RAB11FIP2: variants seen among roughly 807,000 people sequenced by gnomAD.
RAB11FIP2 encodes RAB11 family interacting protein 2.
A neutral mutation model predicts 40.9 loss-of-function variants in RAB11FIP2; 16 were observed. That is an observed-to-expected ratio of 0.39 (90% CI 0.26 to 0.59). The LOEUF (loss-of-function observed/expected upper bound fraction) is 0.59. Ranked by LOEUF, RAB11FIP2 falls within the 20% of genes least tolerant of loss-of-function variation. The pLI is 0.53. For missense variants in RAB11FIP2, 532 were observed against 606.2 expected (o/e 0.88, Z 1.28); for synonymous variants, 228 against 213.7 (o/e 1.07, Z -0.58).
intron 3 of RAB11FIP2, among the ~76,000 whole-genome samples, chr10:118,025,250 C>T (rs1229935519): frequency 6.6e-6 from 1 of 152,154 alleles, no homozygotes; most frequent in African/African-American, 2.4e-5. Context: ...GTACATTATC[C>T]TATCCAACTT....
intron 3 of RAB11FIP2, among the ~76,000 whole-genome samples, chr10:118,029,151 A>T (rs1846382146): frequency 6.6e-6 from 1 of 152,100 alleles, no homozygotes; most frequent in African/African-American, 2.4e-5. Flanking sequence ...CATTTCATTA[A>T]ACTTAAGACA....
At position 118,046,321 on chromosome 10, in the gene RAB11FIP2, G is replaced by A; in HGVS notation, c.-158C>T. 1.5e-6 allele frequency: 1 copy of A among 668,570 alleles called. No individual in the cohort carries two copies. Among genetic ancestry groups the A allele is most frequent in the Non-Finnish European group, 2.5e-6 (1 of 395,716 alleles). 41.4% of individuals were successfully genotyped at this position (668,570 alleles called of 1,614,324 possible). ...CCTATGGCTGATGTCAAAACGCCTC[G>A]CGGGGGCAGCCCAGGGGCACGGCCG... On this transcript the variant is annotated 5_prime_UTR_variant, in exon 1 of 5. Transcript: ENST00000355624.
intron 2 of RAB11FIP2, 164 bp from the exon 3 acceptor site, chr10:118,039,604 G>T: frequency 1.6e-6 from 1 of 631,828 alleles, no homozygotes; most frequent in Non-Finnish European, 2.7e-6. Context: ...CTAAGGTGTA[G>T]CAGTCTGAAG....
In RAB11FIP2 at chr10:118,006,089, T is replaced by A. The variant is rs2078953832; in HGVS notation, c.*2909A>T. On this transcript the variant is annotated 3_prime_UTR_variant, in exon 5 of 5. Coordinates refer to ENST00000355624, the MANE Select transcript of RAB11FIP2 (RefSeq NM_014904.3). Reference sequence around the variant, plus strand: ...CAGCAAAAAGCAATACTTAAAAACGTTTTTCATGAATGGGTTACATGTTGT... The same window carrying A: ...CAGCAAAAAGCAATACTTAAAAACGATTTTCATGAATGGGTTACATGTTGT... 1.3e-5 allele frequency: 2 copies of A among 152,538 alleles called. No homozygotes were observed. Among genetic ancestry groups the A allele is most frequent in the Admixed American group, 1.3e-4 (2 of 15,274 alleles). The allele number at this position is 152,538 out of a possible 1,614,324, so 9.4% of individuals were successfully genotyped here.
intron 3 of RAB11FIP2, among the ~76,000 whole-genome samples, chr10:118,034,368 AG>A (rs1846455993): frequency 2.0e-5 from 3 of 151,724 alleles, no homozygotes; most frequent in Non-Finnish European, 4.4e-5. Context: ...AAAAAAAAAA[AG>A]AAATGAAATG....
chr10:118,026,518 TG>T (rs1174914015), intron 3 of RAB11FIP2, among the ~76,000 whole-genome samples: 2 of 152,204 alleles, frequency 1.3e-5, no homozygotes, highest in East Asian at 3.8e-4. Flanking sequence ...CCAGTGCCTG[TG>T]TGAATTTCCT....
rs187920174 is a variant in RAB11FIP2, at chr10:118,005,140, C to T, written c.*3858G>A. The T allele has an allele frequency of 2.6e-5, 4 of 152,708 alleles. No individual in the cohort carries two copies. The highest frequency in any genetic ancestry group is 9.6e-5 in the African/African-American group (4 of 41,542). The allele number at this position is 152,708 out of a possible 1,614,324, so 9.5% of individuals were successfully genotyped here. ...AAATAATGCTTCTATCTTTCAAATA[C>T]CCGCTAAATATATGCATTTCTAGAT... On this transcript the variant is annotated 3_prime_UTR_variant, in exon 5 of 5. Coordinates refer to ENST00000355624, the MANE Select transcript of RAB11FIP2 (RefSeq NM_014904.3).
At position 118,026,992 on chromosome 10, in the gene RAB11FIP2, GTTTTT is replaced by G. The variant is rs373316208; in HGVS notation, c.1266-11887_1266-11883del. 5.3e-3 allele frequency among the ~76,000 whole-genome samples: 800 copies of G among 151,366 alleles called. 6 individuals are homozygous for G. The highest frequency in any genetic ancestry group is 0.019 in the African/African-American group (771 of 41,284). Reference sequence around the variant, plus strand: ...GCTTCTAAATTCTACTTTTATTTAAGTTTTTTTTTAAGTTGAGAAGATATTATTAC... The same window carrying G: ...GCTTCTAAATTCTACTTTTATTTAAGTTTTAAGTTGAGAAGATATTATTAC... On this transcript the variant is annotated intron_variant, in intron 3 of 4. Transcript: ENST00000355624.
rs1846639289 is a variant in RAB11FIP2, at chr10:118,046,418, G to C, written c.-255C>G. On this transcript the variant is annotated 5_prime_UTR_variant, in exon 1 of 5. Transcript: ENST00000355624. The stretch of plus-strand genomic sequence containing the variant: ...ACCTGGCCGCGCCGTGCAGGCCTCT[G>C]CGCGGACCCCCGCCCCTGTCTCCAC... 2.1e-6 allele frequency: 1 copy of C among 468,674 alleles called. No individual in the cohort carries two copies. The highest frequency in any genetic ancestry group is 3.5e-5 in the East Asian group (1 of 28,892). 29.0% of individuals were successfully genotyped at this position (468,674 alleles called of 1,614,324 possible). A position where few individuals can be genotyped will look rare whatever the true frequency, so the allele number is the denominator to read the frequency against.
intron 1 of RAB11FIP2, among the ~76,000 whole-genome samples, chr10:118,042,503 A>G (rs1383629602): frequency 6.6e-6 from 1 of 152,182 alleles, no homozygotes; most frequent in East Asian, 1.9e-4. Context: ...TGAACCACAT[A>G]TGTTAATAAG....
At chr10:118,039,924 T>A (rs933116843) in intron 2 of RAB11FIP2, 199 bp downstream of exon 2, 1 of 527,402 alleles carries the variant, frequency 1.9e-6, no homozygotes, top group African/African-American at 1.9e-5. Context: ...TCTAATAATA[T>A]AAATACAAAT....
At chr10:118,029,571 A>G (rs1190703450) in intron 3 of RAB11FIP2, among the ~76,000 whole-genome samples, 1 of 152,180 alleles carries the variant, frequency 6.6e-6, no homozygotes, top group Non-Finnish European at 1.5e-5. Flanking sequence ...CAGGATTTAT[A>G]TCTCAACAAT....
intron 4 of RAB11FIP2, among the ~76,000 whole-genome samples, chr10:118,012,746 T>G (rs1201129185): frequency 1.3e-5 from 2 of 152,078 alleles, no homozygotes; most frequent in Non-Finnish European, 2.9e-5. Flanking sequence ...CAAATGCAAC[T>G]TACAATGGTT....
At position 118,046,273 on chromosome 10, in the gene RAB11FIP2, C is replaced by G. The variant is rs545290559; in HGVS notation, c.-110G>C. The G allele has an allele frequency of 4.0e-6, 4 of 990,080 alleles. No individual in the cohort carries two copies. Among genetic ancestry groups the G allele is most frequent in the African/African-American group, 1.6e-5 (1 of 61,874 alleles). 61.3% of individuals were successfully genotyped at this position (990,080 alleles called of 1,614,324 possible). Reference sequence around the variant, plus strand: ...CCTAAGGACACTTAACGGAAACAGGCAGGCTCAGGGCTCCCCGACTTCCCT... The same window carrying G: ...CCTAAGGACACTTAACGGAAACAGGGAGGCTCAGGGCTCCCCGACTTCCCT... On this transcript the variant is annotated 5_prime_UTR_variant, in exon 1 of 5. Coordinates refer to ENST00000355624, the MANE Select transcript of RAB11FIP2 (RefSeq NM_014904.3).
At position 118,008,511 on chromosome 10, in the gene RAB11FIP2, GAATA is replaced by G. The variant is rs763571719; in HGVS notation, c.*483_*486del. On this transcript the variant is annotated 3_prime_UTR_variant, in exon 5 of 5. Coordinates refer to ENST00000355624, the MANE Select transcript of RAB11FIP2 (RefSeq NM_014904.3). ...CCTATATTTTATATACAAGATACATGAATATATATATATTCATGTACATATGTGT... is the reference window on the plus strand; with the variant it reads ...CCTATATTTTATATACAAGATACATGTATATATATTCATGTACATATGTGT... The G allele has an allele frequency of 4.4e-5, 7 of 159,076 alleles. No individual in the cohort carries two copies. The highest frequency in any genetic ancestry group is 7.0e-5 in the Non-Finnish European group (5 of 71,350). 9.9% of individuals were successfully genotyped at this position (159,076 alleles called of 1,614,324 possible).
At chr10:118,032,572 A>G (rs894686509) in intron 3 of RAB11FIP2, among the ~76,000 whole-genome samples, 1 of 152,110 alleles carries the variant, frequency 6.6e-6, no homozygotes, top group Non-Finnish European at 1.5e-5. Context: ...CGCATTTGCC[A>G]GCACAATTCC....
chr10:118,011,795 T>A (rs1325214126), intron 4 of RAB11FIP2, among the ~76,000 whole-genome samples: 3 of 152,250 alleles, frequency 2.0e-5, no homozygotes, highest in African/African-American at 7.2e-5. Context: ...GAGAAATTCA[T>A]GTTCTTGTGA....
chr10:118,020,917 ATAAT>A (rs1282139503), intron 3 of RAB11FIP2, among the ~76,000 whole-genome samples: 7 of 152,222 alleles, frequency 4.6e-5, no homozygotes, highest in African/African-American at 1.7e-4. Flanking sequence ...CCAAAGAAAA[ATAAT>A]TACTCATATG....
Position 118,046,876 on chromosome 10 carries a change from A to G in RAB11FIP2, c.-713T>C, listed in dbSNP as rs1846654227. 6.5e-6 allele frequency: 1 copy of G among 152,732 alleles called. No individual in the cohort carries two copies. The highest frequency in any genetic ancestry group is 1.5e-5 in the Non-Finnish European group (1 of 68,752). The allele number at this position is 152,732 out of a possible 1,614,324, so 9.5% of individuals were successfully genotyped here. A position where few individuals can be genotyped will look rare whatever the true frequency, so the allele number is the denominator to read the frequency against. Reference sequence around the variant, plus strand: ...CGGCCTGGCCCGGCCGGCGGCTCCTAACACCGGGCGGGCGGCTGCGGCGGC... The same window carrying G: ...CGGCCTGGCCCGGCCGGCGGCTCCTGACACCGGGCGGGCGGCTGCGGCGGC... On this transcript the variant is annotated 5_prime_UTR_variant, in exon 1 of 5. An upstream open reading frame in the 5' UTR loses its in-frame stop. Transcript: ENST00000355624.
Sources: gnomAD v4.1 joint callset for allele counts (sites outside exome capture counted in the v4.1 genomes callset) on GRCh38, gnomAD v4.1.1 for gene constraint, MANE v1.5 for transcripts, NCBI Gene and HGNC (gene_info 2026-07-23, HGNC 2026-07-21) for gene names.